CDYL: variants seen among roughly 807,000 people sequenced by gnomAD.
CDYL encodes the protein chromodomain Y-like protein.
Under a neutral mutation model 47.3 loss-of-function variants are expected in CDYL, and 8 were observed. The observed-to-expected ratio is 0.17, with a 90% CI of 0.10 to 0.31. The LOEUF (loss-of-function observed/expected upper bound fraction) is 0.31. CDYL is among the 10% of genes least tolerant of loss of function. The pLI is 1.00. For missense variants in CDYL, 471 were observed against 701.4 expected (o/e 0.67, Z 3.71); for synonymous variants, 266 against 265.0 (o/e 1.00, Z -0.04).
intron 6 of CDYL, 35 bp downstream of exon 6, chr6:4,952,444 T>A: frequency 6.3e-7 from 1 of 1,577,466 alleles, no homozygotes; most frequent in African/African-American, 1.4e-5. Context: ...CGTTACTTTT[T>A]AAAAAATAGA....
At chr6:4,900,071 T>G (rs1756974538) in intron 2 of CDYL, among the ~76,000 whole-genome samples, 1 of 152,218 alleles carries the variant, frequency 6.6e-6, no homozygotes, top group African/African-American at 2.4e-5. Context: ...AGAAGTACTT[T>G]GAGCAAAATA....
intron 3 of CDYL, among the ~76,000 whole-genome samples, chr6:4,735,746 A>T (rs1298696593): frequency 6.6e-6 from 1 of 152,154 alleles, no homozygotes; most frequent in Non-Finnish European, 1.5e-5. Flanking sequence ...AGCACGGGCA[A>T]CAAGAGCGAA....
chr6:4,901,577 T>C (rs900853682), intron 2 of CDYL, among the ~76,000 whole-genome samples: 2 of 152,176 alleles, frequency 1.3e-5, no homozygotes, highest in African/African-American at 4.8e-5. Context: ...AAGAGAGTGA[T>C]TTGATCAAAT....
intron 3 of CDYL, among the ~76,000 whole-genome samples, chr6:4,749,887 A>G (rs1403125124): frequency 1.3e-5 from 2 of 152,146 alleles, no homozygotes; most frequent in Non-Finnish European, 2.9e-5. Flanking sequence ...ACACAATAGG[A>G]AAAAACAGGG....
chr6:4,899,892 A>C (rs1194885601), intron 2 of CDYL, among the ~76,000 whole-genome samples: 2 of 152,170 alleles, frequency 1.3e-5, no homozygotes, highest in African/African-American at 4.8e-5. Context: ...TAGGGAACCA[A>C]GGTTTCTCAA....
intron 1 of CDYL, among the ~76,000 whole-genome samples, chr6:4,878,316 C>T (rs1367442783): frequency 1.3e-5 from 2 of 151,184 alleles, no homozygotes; most frequent in African/African-American, 2.4e-5. Flanking sequence ...ATTTTTTTTC[C>T]TCAAATGTTT....
At position 4,894,834 on chromosome 6, in the gene CDYL, CGTGTGT is replaced by C. The variant is rs71540834; in HGVS notation, c.691+2472_691+2477del. 3.9e-4 allele frequency among the ~76,000 whole-genome samples: 56 copies of C among 145,434 alleles called. 1 individual carries two copies. The highest frequency in any genetic ancestry group is 6.9e-3 in the Middle Eastern group (2 of 290). Reference sequence around the variant, plus strand: ...AGCCCCCTTTTTTGTCCACAAAAGTCGTGTGTGTGTGTGTGTGTGTGTATATGTGTA... The same window carrying C: ...AGCCCCCTTTTTTGTCCACAAAAGTCGTGTGTGTGTGTGTGTATATGTGTA... On this transcript the variant is annotated intron_variant, in intron 2 of 6. Transcript: ENST00000397588.
chr6:4,943,539 A>G lies in CDYL; in HGVS notation c.1122-7A>G, dbSNP rs202149861. 2.4e-4 allele frequency: 377 copies of G among 1,582,768 alleles called. No individual in the cohort carries two copies. Among genetic ancestry groups the G allele is most frequent in the Non-Finnish European group, 2.8e-4 (326 of 1,156,456 alleles). On this transcript the variant is annotated splice_polypyrimidine_tract_variant and splice_region_variant and intron_variant, in intron 4 of 6. Coordinates refer to ENST00000397588, the MANE Select transcript of CDYL (RefSeq NM_004824.4). Reference sequence around the variant, plus strand: ...TTGAGTAATTCCCCATTTATTTTTCATTTTAGAAACTTCGTGAATACTTTC... The same window carrying G: ...TTGAGTAATTCCCCATTTATTTTTCGTTTTAGAAACTTCGTGAATACTTTC...
intron 1 of CDYL, among the ~76,000 whole-genome samples, chr6:4,880,640 G>C (rs1761739038): frequency 6.6e-6 from 1 of 152,226 alleles, no homozygotes; most frequent in Non-Finnish European, 1.5e-5. Context: ...TGTGCCATTT[G>C]CTTTCCATCC....
upstream of CDYL, among the ~76,000 whole-genome samples, chr6:4,775,051 G>A (rs1353696030): frequency 6.6e-6 from 1 of 152,180 alleles, no homozygotes; most frequent in Admixed American, 6.5e-5. This position sits in a 1 kb window ranked among gnomAD's most constrained non-coding sequence, Gnocchi z 7.0. Context: ...ACGCTGTTGG[G>A]GGGCACAAAC....
At chr6:4,739,155 C>CT (rs1757753509) in intron 3 of CDYL, among the ~76,000 whole-genome samples, 1 of 150,654 alleles carries the variant, frequency 6.6e-6, no homozygotes, top group South Asian at 2.1e-4. Context: ...GAGCAAAACT[C>CT]TGTCTCAAAC....
intron 2 of CDYL, among the ~76,000 whole-genome samples, chr6:4,917,835 A>G (rs1401320760): frequency 1.3e-5 from 2 of 152,188 alleles, no homozygotes; most frequent in Non-Finnish European, 2.9e-5. Context: ...GTACTTCCAA[A>G]TGAGGTGTCT....
intron 1 of CDYL, among the ~76,000 whole-genome samples, chr6:4,813,831 T>C (rs558484097): frequency 1.3e-5 from 2 of 152,174 alleles, no homozygotes; most frequent in Non-Finnish European, 2.9e-5. Context: ...GGAAGTGCTG[T>C]GGTGCGATTA....
Position 4,833,722 on chromosome 6 carries a change from A to G in CDYL, c.24+56915A>G, listed in dbSNP as rs949111656. Among the ~76,000 whole-genome samples, 7 of 151,670 alleles carry G rather than the reference A, an allele frequency of 4.6e-5. 1 individual carries two copies. The South Asian group carries it at 6.2e-4, about 13-fold the overall frequency. ...TGTGGGAGTCTAAGTCTCTTTTTAG[A>G]TCACTCAGGACTTGCTTTATGAATC... On this transcript the variant is annotated intron_variant, in intron 1 of 6. Transcript: ENST00000397588.
intron 2 of CDYL, among the ~76,000 whole-genome samples, chr6:4,923,006 A>G (rs1757763144): frequency 6.6e-6 from 1 of 152,206 alleles, no homozygotes; most frequent in African/African-American, 2.4e-5. Context: ...TATGTACAAT[A>G]TAATTTGATA....
intron 1 of CDYL, among the ~76,000 whole-genome samples, chr6:4,817,991 T>TCAC (rs1759720699): frequency 6.6e-6 from 1 of 152,226 alleles, no homozygotes; most frequent in South Asian, 2.1e-4. Flanking sequence ...GTACAGTGGC[T>TCAC]CACGCCTGTA....
intron 4 of CDYL, among the ~76,000 whole-genome samples, chr6:4,938,624 A>C (rs1231884976): frequency 6.6e-6 from 1 of 152,252 alleles, no homozygotes; most frequent in African/African-American, 2.4e-5. Context: ...AGCAATTTTC[A>C]AGTATAAAAA....
intron 2 of CDYL, among the ~76,000 whole-genome samples, chr6:4,921,161 A>G (rs1247885565): frequency 6.6e-6 from 1 of 152,154 alleles, no homozygotes; most frequent in East Asian, 1.9e-4. Context: ...GATAAATAGG[A>G]CAGAGATGGG....
intron 2 of CDYL, among the ~76,000 whole-genome samples, chr6:4,723,764 C>T (rs1188810049): frequency 1.3e-5 from 2 of 152,202 alleles, no homozygotes; most frequent in Admixed American, 6.5e-5. Flanking sequence ...ATAAGCCTGG[C>T]CCCTGCTCTT....
Sources: gnomAD v4.1 joint callset for allele counts (sites outside exome capture counted in the v4.1 genomes callset) on GRCh38, gnomAD v4.1.1 for gene constraint, Gnocchi (gnomAD v3.1) non-coding constraint, MANE v1.5 for transcripts, NCBI Gene and HGNC (gene_info 2026-07-23, HGNC 2026-07-21) for gene names.